CLOCK: variants seen among roughly 807,000 people sequenced by gnomAD.
The protein encoded by CLOCK is clock circadian regulator.
CLOCK carries 43 observed loss-of-function variants against 118.4 expected under a neutral mutation model. That is an observed-to-expected ratio of 0.36 (90% CI 0.28 to 0.47). The LOEUF is 0.47. Ranked by LOEUF, CLOCK falls within the 20% of genes least tolerant of loss-of-function variation. The pLI is 1.00. For missense variants in CLOCK, 846 were observed against 999.9 expected (o/e 0.85, Z 2.08); for synonymous variants, 326 against 339.2 (o/e 0.96, Z 0.43).
intron 15 of CLOCK, among the ~76,000 whole-genome samples, chr4:55,451,684 T>C (rs1724468391): frequency 6.6e-6 from 1 of 152,216 alleles, no homozygotes; most frequent in Non-Finnish European, 1.5e-5. Flanking sequence ...AGAAGGATAA[T>C]TAATCTCTGT....
chr4:55,543,187 A>T (rs990066749), intron 1 of CLOCK, among the ~76,000 whole-genome samples: 12 of 152,196 alleles, frequency 7.9e-5, no homozygotes, highest in African/African-American at 2.9e-4. Flanking sequence ...CGAAGTTTAC[A>T]GTGAATTAAA....
At chr4:55,510,220 A>T (rs1481128197) in intron 1 of CLOCK, among the ~76,000 whole-genome samples, 155 bp from the exon 2 acceptor site, 1 of 152,228 alleles carries the variant, frequency 6.6e-6, no homozygotes, top group Non-Finnish European at 1.5e-5. Flanking sequence ...ATCAGATCTC[A>T]TCAACCCCTC....
chr4:55,453,973 T>G (rs1032525189), intron 13 of CLOCK, 149 bp from the exon 14 acceptor site: 31 of 650,134 alleles, frequency 4.8e-5, no homozygotes, highest in Middle Eastern at 4.3e-4. Flanking sequence ...GAAAATGTTA[T>G]TCTTTAGAGC....
chr4:55,471,704 A>T (rs1726154378), intron 7 of CLOCK, among the ~76,000 whole-genome samples: 1 of 151,972 alleles, frequency 6.6e-6, no homozygotes, highest in Admixed American at 6.6e-5. Context: ...AGCTGAAGAA[A>T]TGAGATCTAC....
intron 2 of CLOCK, among the ~76,000 whole-genome samples, chr4:55,495,926 C>A (rs1490925744): frequency 1.3e-5 from 2 of 152,146 alleles, no homozygotes. Context: ...CAGTGGCTCA[C>A]ACCTGTAATC....
rs143332329 is a variant in CLOCK at position 55,496,540 on chromosome 4, T to C, written c.-135-7075A>G. ...GCTATTCTGTGGCAAAATGTAATGATTGCTTACCACTTTAATATAGTTCAA... is the reference window on the plus strand; with the variant it reads ...GCTATTCTGTGGCAAAATGTAATGACTGCTTACCACTTTAATATAGTTCAA... On this transcript the variant is annotated intron_variant, in intron 2 of 22. Transcript: ENST00000513440. Among the ~76,000 whole-genome samples the C allele has an allele frequency of 6.6e-3, 1,001 of 152,344 alleles. 17 individuals carry two copies. The highest frequency in any genetic ancestry group is 0.022 in the African/African-American group (928 of 41,596).
At chr4:55,473,720 G>A (rs1307891731) in intron 7 of CLOCK, among the ~76,000 whole-genome samples, 11 of 152,100 alleles carry the variant, frequency 7.2e-5, no homozygotes, top group Admixed American at 7.2e-4. Context: ...AAGTCTATCA[G>A]CATCATTTTT....
In CLOCK at chr4:55,448,471, C is replaced by T. The variant is rs144570123; in HGVS notation, c.1539+308G>A. Among the ~76,000 whole-genome samples the T allele has an allele frequency of 3.2e-3, 485 of 152,268 alleles. 3 individuals carry two copies. Among genetic ancestry groups the T allele is most frequent in the Non-Finnish European group, 5.6e-3 (381 of 68,016 alleles). ...AGATATTTAGTATTCCTGGACCATG[C>T]TCACTAAGGGCCAGTGATACCCCAC... is the stretch of plus-strand genomic sequence containing the variant. On this transcript the variant is annotated intron_variant, in intron 18 of 22. Transcript: ENST00000513440.
Position 55,453,806 on chromosome 4 carries a change from C to A in CLOCK, c.1001G>T (p.Gly334Val). ...CAGGAACCTATAATAACATGATTTGCCTTTCCCATATTGCATTACTAAAAG... is the reference window on the plus strand; with the variant it reads ...CAGGAACCTATAATAACATGATTTGACTTTCCCATATTGCATTACTAAAAG... ...CHEHLMQYGK[G>V]KSCYYRFLTK... is the part of the protein sequence containing the mutation. The change falls in exon 14 of 23, where the codon GGC becomes GTC. Residue 334 changes from glycine (G) to valine (V), a missense_variant. By Grantham distance (109) the Gly-to-Val change is moderately radical (BLOSUM62 -3). Around this residue, in one of 4 missense-constraint regions of CLOCK, gnomAD observed 66 missense variants for 99.4 expected, o/e 0.66. Transcript: ENST00000513440. 4 of 1,606,048 alleles carry A rather than the reference C, an allele frequency of 2.5e-6. No individual in the cohort carries two copies. The highest frequency in any genetic ancestry group is 3.4e-6 in the Non-Finnish European group (4 of 1,175,956).
chr4:55,491,038 G>A (rs899410750), intron 2 of CLOCK, among the ~76,000 whole-genome samples: 1 of 151,994 alleles, frequency 6.6e-6, no homozygotes. Context: ...AAATTCATAA[G>A]CAGATGAAAT....
intron 2 of CLOCK, among the ~76,000 whole-genome samples, chr4:55,491,375 G>GAAA (rs56412547): frequency 1.4e-5 from 2 of 141,930 alleles, no homozygotes; most frequent in Non-Finnish European, 3.1e-5. Context: ...CAGTGAATAG[G>GAAA]AAAAAAAAAA....
At chr4:55,464,544 G>A (rs1377316752) in intron 8 of CLOCK, among the ~76,000 whole-genome samples, 1 of 152,162 alleles carries the variant, frequency 6.6e-6, no homozygotes, top group African/African-American at 2.4e-5. Context: ...AAACTGCTCT[G>A]TGGAATCCTA....
intron 1 of CLOCK, among the ~76,000 whole-genome samples, chr4:55,544,738 A>G (rs1239220357): frequency 1.3e-5 from 2 of 152,216 alleles, no homozygotes; most frequent in Non-Finnish European, 2.9e-5. Context: ...AAATTTGAAA[A>G]CATGAAGACA....
At chr4:55,522,469 C>T (rs756817762) in intron 1 of CLOCK, among the ~76,000 whole-genome samples, 1 of 148,176 alleles carries the variant, frequency 6.7e-6, no homozygotes, top group African/African-American at 2.5e-5. Flanking sequence ...AAAAGATAAA[C>T]AAAAGATGCC....
intron 1 of CLOCK, among the ~76,000 whole-genome samples, chr4:55,510,629 T>TAA (rs3842583): frequency 1.0e-3 from 108 of 104,290 alleles, no homozygotes; most frequent in African/African-American, 3.7e-3. Context: ...TCTGTCTTTT[T>TAA]AAAAAAAAAA....
chr4:55,450,141 G>C lies in CLOCK; in HGVS notation c.1298C>G (p.Ser433Cys). The change falls in exon 16 of 23, where the codon TCT becomes TGT. Residue 433 changes from serine to cysteine, a missense_variant. Transcript: ENST00000513440. ...AGATGATTTTCTTGAACTCCGAGAA[G>C]AGGCAGAAGGGGTTGGGCTGTGATC... ...RFDHSPTPSA[S>C]SRSSRKSSHT... 2 of 1,614,138 alleles carry C rather than the reference G, an allele frequency of 1.2e-6. No homozygotes were observed. Among genetic ancestry groups the C allele is most frequent in the Non-Finnish European group, 1.7e-6 (2 of 1,179,996 alleles).
rs575670338 is a variant in CLOCK, at chr4:55,509,044, T to C, written c.-136+868A>G. On this transcript the variant is annotated intron_variant, in intron 2 of 22. Transcript: ENST00000513440. ...TACAAACCTGCACAGCATGCAATGG[T>C]ACTGAATACTCAAGGCAACTGTAAC... Among the ~76,000 whole-genome samples the C allele has an allele frequency of 1.2e-4, 19 of 152,302 alleles. No individual in the cohort carries two copies. The South Asian group carries it at 3.9e-3, about 32-fold the overall frequency.
intron 18 of CLOCK, among the ~76,000 whole-genome samples, chr4:55,445,068 G>GCTTTTC (rs56391323): frequency 0.26 from 33,369 of 126,220 alleles, 5,476 homozygotes; most frequent in East Asian, 0.5. Flanking sequence ...TGGTTCTGGT[G>GCTTTTC]CTTCTTGCTC....
chr4:55,453,771 G>T lies in CLOCK; in HGVS notation c.1036C>A (p.Gln346Lys). 1.2e-6 allele frequency: 2 copies of T among 1,609,992 alleles called. No individual in the cohort carries two copies. The highest frequency in any genetic ancestry group is 1.7e-6 in the Non-Finnish European group (2 of 1,177,570). The change falls in exon 14 of 23, where the codon CAA becomes AAA. Residue 346 changes from glutamine (Q) to lysine (K), a missense_variant. Physicochemically the swap from Gln to Lys is moderately conservative, Grantham distance 53 (BLOSUM62 1). Coordinates refer to ENST00000513440, the MANE Select transcript of CLOCK (RefSeq NM_004898.4). ...SCYYRFLTKG[Q>K]QWIWLQTHYY... is the part of the protein sequence containing the mutation. ...TGAGTCTGAAGCCAAATCCACTGTT[G>T]CCCCTTAGTCAGGAACCTATAATAA... is the stretch of plus-strand genomic sequence containing the variant.
Sources: allele counts gnomAD v4.1 joint callset (sites outside exome capture counted in the v4.1 genomes callset), GRCh38; gene constraint gnomAD v4.1.1; regional missense constraint gnomAD v4.1.1; transcripts MANE v1.5; gene names NCBI Gene and HGNC (gene_info 2026-07-23, HGNC 2026-07-21).